HS3ST5: variants seen among roughly 807,000 people sequenced by gnomAD.
The protein encoded by HS3ST5 is heparan sulfate-glucosamine 3-sulfotransferase 5, also known as heparan sulfate glucosamine 3-O-sulfotransferase 5.
In HS3ST5, 10 loss-of-function variants were observed where a neutral mutation model predicts 25.4. The observed-to-expected ratio is 0.39, with a 90% CI of 0.24 to 0.67. The LOEUF (loss-of-function observed/expected upper bound fraction) is 0.67, where lower values mean the gene tolerates loss of function less well. HS3ST5 is among the 30% of genes least tolerant of loss of function. The pLI, the probability that HS3ST5 is intolerant of heterozygous loss-of-function variation, is 0.44. For synonymous variants in HS3ST5, 170 were observed against 162.4 expected (o/e 1.05, Z -0.36); for missense variants, 324 against 420.7 (o/e 0.77, Z 2.01).
chr6:114,096,707 A>G (rs1410556421), intron 3 of HS3ST5, among the ~76,000 whole-genome samples: 2 of 152,114 alleles, frequency 1.3e-5, no homozygotes, highest in African/African-American at 4.8e-5. Flanking sequence ...AAGGAAAGTA[A>G]CTAACTTTAT....
intron 3 of HS3ST5, among the ~76,000 whole-genome samples, chr6:114,078,038 CTG>C (rs1346203044): frequency 6.6e-6 from 1 of 152,114 alleles, no homozygotes; most frequent in African/African-American, 2.4e-5. Flanking sequence ...CATTAGCAGA[CTG>C]TGCAGAAATA....
chr6:114,162,005 AT>A (rs1414953747), intron 3 of HS3ST5, among the ~76,000 whole-genome samples: 1 of 152,070 alleles, frequency 6.6e-6, no homozygotes, highest in Non-Finnish European at 1.5e-5. Flanking sequence ...ATAAAATAGA[AT>A]TTTGGAGGTA....
chr6:114,336,420 C>A (rs941508205), intron 1 of HS3ST5, among the ~76,000 whole-genome samples: 3 of 152,242 alleles, frequency 2.0e-5, no homozygotes, highest in African/African-American at 7.2e-5. Context: ...CCAGTCTGGC[C>A]AACATGGCAA....
chr6:114,246,575 A>G (rs575410624), intron 1 of HS3ST5, among the ~76,000 whole-genome samples: 1 of 152,364 alleles, frequency 6.6e-6, no homozygotes, highest in East Asian at 1.9e-4. Flanking sequence ...AGGCAAATAA[A>G]AAGTGGCTTT....
At chr6:114,069,054 A>G (rs1263665650) in intron 3 of HS3ST5, among the ~76,000 whole-genome samples, 2 of 152,234 alleles carry the variant, frequency 1.3e-5, no homozygotes. Context: ...CAAAAATAAT[A>G]ATAATAAAGA....
chr6:114,335,222 A>G (rs576902983), intron 1 of HS3ST5, among the ~76,000 whole-genome samples: 15 of 152,212 alleles, frequency 9.9e-5, no homozygotes, highest in African/African-American at 3.4e-4. Flanking sequence ...ATATGTCCCA[A>G]TGAATGCTTT....
chr6:114,197,886 G>A (rs73767066), intron 2 of HS3ST5, among the ~76,000 whole-genome samples: 2 of 152,234 alleles, frequency 1.3e-5, no homozygotes, highest in African/African-American at 4.8e-5. Flanking sequence ...AAAAGTCAGA[G>A]TGTTTTGTTA....
At chr6:114,093,353 T>TG (rs1775234156) in intron 3 of HS3ST5, among the ~76,000 whole-genome samples, 61 of 134,322 alleles carry the variant, frequency 4.5e-4, no homozygotes, top group African/African-American at 1.3e-3. Flanking sequence ...GTTTGTTTGT[T>TG]TGTGTGTGTG....
intron 1 of HS3ST5, among the ~76,000 whole-genome samples, chr6:114,319,868 T>G (rs907720452): frequency 6.6e-6 from 1 of 152,108 alleles, no homozygotes; most frequent in Admixed American, 6.6e-5. Context: ...TTTTTGTTGT[T>G]GTTGTTAGTG....
At chr6:114,139,394 T>C (rs1777791369) in intron 3 of HS3ST5, among the ~76,000 whole-genome samples, 1 of 149,740 alleles carries the variant, frequency 6.7e-6, no homozygotes. Context: ...GGACAAAAGT[T>C]CAAAAAAAAA....
chr6:114,233,529 T>C, intron 1 of HS3ST5, among the ~76,000 whole-genome samples: 1 of 152,142 alleles, frequency 6.6e-6, no homozygotes, highest in Admixed American at 6.5e-5. Flanking sequence ...ACAGATTAAC[T>C]ATAAAGAAGC....
At chr6:114,320,719 A>T (rs563680211) in intron 1 of HS3ST5, among the ~76,000 whole-genome samples, 2 of 152,144 alleles carry the variant, frequency 1.3e-5, no homozygotes, top group African/African-American at 4.8e-5. Context: ...AAACAGCTTT[A>T]TTTGTATCTG....
At chr6:114,304,825 G>C (rs1198274526) in intron 1 of HS3ST5, among the ~76,000 whole-genome samples, 4 of 152,044 alleles carry the variant, frequency 2.6e-5, no homozygotes, top group Admixed American at 2.6e-4. Flanking sequence ...ATGACAGCTG[G>C]ATTTTCATAA....
At chr6:114,108,833 TTTA>T (rs1201523089) in intron 3 of HS3ST5, among the ~76,000 whole-genome samples, 12 of 152,178 alleles carry the variant, frequency 7.9e-5, no homozygotes, top group Non-Finnish European at 1.2e-4. Flanking sequence ...ATATGTGCCA[TTTA>T]TTATATGTCA....
intron 1 of HS3ST5, among the ~76,000 whole-genome samples, chr6:114,244,675 C>T (rs1481092606): frequency 6.6e-6 from 1 of 152,116 alleles, no homozygotes; most frequent in South Asian, 2.1e-4. Context: ...TGCTAATTGA[C>T]AAAGACATCT....
chr6:114,223,760 T>G (rs1232266492), intron 2 of HS3ST5, among the ~76,000 whole-genome samples: 1 of 151,786 alleles, frequency 6.6e-6, no homozygotes, highest in African/African-American at 2.4e-5. Flanking sequence ...TAGTGACTGG[T>G]TAAGTACCTA....
intron 3 of HS3ST5, among the ~76,000 whole-genome samples, chr6:114,140,708 A>C (rs1777862152): frequency 6.6e-6 from 1 of 152,224 alleles, no homozygotes; most frequent in African/African-American, 2.4e-5. Context: ...CGAGGAATGC[A>C]GAGAGGGCTG....
At chr6:114,195,040 T>C (rs1248510721) in intron 2 of HS3ST5, among the ~76,000 whole-genome samples, 1 of 152,184 alleles carries the variant, frequency 6.6e-6, no homozygotes, top group Non-Finnish European at 1.5e-5. Flanking sequence ...CACTGAAAGA[T>C]ACAAAGAAAG....
At chr6:114,280,271 A>C (rs72956233) in intron 1 of HS3ST5, among the ~76,000 whole-genome samples, 8,946 of 151,996 alleles carry the variant, frequency 0.059, 328 homozygotes, top group Middle Eastern at 0.12. Flanking sequence ...GGGATACTCT[A>C]CCCCAGGATA....
Sources: allele counts gnomAD v4.1 joint callset (sites outside exome capture counted in the v4.1 genomes callset), GRCh38; gene constraint gnomAD v4.1.1; transcripts MANE v1.5; gene names NCBI Gene and HGNC (gene_info 2026-07-23, HGNC 2026-07-21).